SHISAL1: variants seen among roughly 807,000 people sequenced by gnomAD.
The protein encoded by SHISAL1 is shisa like 1.
SHISAL1 carries 9 observed loss-of-function variants against 22.6 expected under a neutral mutation model. The observed-to-expected ratio is 0.40, with a 90% CI of 0.24 to 0.70. The LOEUF is 0.70. Among genes scored for constraint, SHISAL1 ranks in the 30% least tolerant of loss-of-function variants. The probability of loss-of-function intolerance (pLI) is 0.39; values close to 1 mark genes in which losing one functional copy is unlikely to be tolerated. For missense variants in SHISAL1, 246 were observed against 270.6 expected (o/e 0.91, Z 0.64); for synonymous variants, 119 against 115.4 (o/e 1.03, Z -0.20).
intron 4 of SHISAL1, among the ~76,000 whole-genome samples, chr22:44,262,617 G>C (rs2055132653): frequency 6.6e-6 from 1 of 152,240 alleles, no homozygotes; most frequent in Admixed American, 6.5e-5. Context: ...CTAGCTAGCA[G>C]TGGAGCTTGG....
rs1284298272 is a variant in SHISAL1, at chr22:44,245,266, G to A, written c.*4419C>T. 6.6e-6 allele frequency: 1 copy of A among 152,228 alleles called. No individual in the cohort carries two copies. Among genetic ancestry groups the A allele is most frequent in the Non-Finnish European group, 1.5e-5 (1 of 68,058 alleles). The allele number at this position is 152,228 out of a possible 1,614,324, so 9.4% of individuals were successfully genotyped here. A position where few individuals can be genotyped will look rare whatever the true frequency, so the allele number is the denominator to read the frequency against. ...CAGTGATAGGGGGCCCTTCAACATT[G>A]ATAAGACATGTTCCCAATAACTCCA... On this transcript the variant is annotated 3_prime_UTR_variant, in exon 5 of 5. Coordinates refer to ENST00000381176, the MANE Select transcript of SHISAL1 (RefSeq NM_001099294.2).
At chr22:44,268,713 C>T (rs1159435012) in intron 4 of SHISAL1, among the ~76,000 whole-genome samples, 4 of 152,058 alleles carry the variant, frequency 2.6e-5, no homozygotes, top group Admixed American at 2.6e-4. Flanking sequence ...ACCTCAGCGA[C>T]GTTTTGAGGA....
chr22:44,327,240 G>GCGCACACA, the SHISAL1 span, among the ~76,000 whole-genome samples: 2 of 144,922 alleles, frequency 1.4e-5, no homozygotes, highest in Non-Finnish European at 3.0e-5. Context: ...TGGGGGGCGC[G>GCGCACACA]CACACACACA....
rs537018456 is a variant in SHISAL1 at position 44,262,619 on chromosome 22, G to A, written c.*-12934C>T. Among the ~76,000 whole-genome samples, 9 of 152,348 alleles carry A rather than the reference G, an allele frequency of 5.9e-5. No individual in the cohort carries two copies. The South Asian group carries it at 1.9e-3, about 32-fold the overall frequency. ...CAGAACTGCATATCTAGCTAGCAGT[G>A]GAGCTTGGCCTGTGCTGCTGACCGC... On this transcript the variant is annotated intron_variant, in intron 4 of 4. Transcript: ENST00000381176.
At chr22:44,265,431 C>T (rs956833638) in intron 4 of SHISAL1, among the ~76,000 whole-genome samples, 16 of 152,240 alleles carry the variant, frequency 1.1e-4, no homozygotes, top group Admixed American at 3.3e-4. Context: ...CACCTGAACC[C>T]GCTACCAGCC....
intron 3 of SHISAL1, among the ~76,000 whole-genome samples, chr22:44,294,038 G>A (rs2055370169): frequency 6.6e-6 from 1 of 152,224 alleles, no homozygotes; most frequent in Non-Finnish European, 1.5e-5. Flanking sequence ...GGAGAAGTCT[G>A]GTTGTTTTGC....
intron 4 of SHISAL1, among the ~76,000 whole-genome samples, chr22:44,278,932 C>T (rs1029350340): frequency 6.6e-6 from 1 of 152,126 alleles, no homozygotes; most frequent in African/African-American, 2.4e-5. Flanking sequence ...TGCAGTCCCA[C>T]TGTGTACCCT....
At position 44,285,437 on chromosome 22, in the gene SHISAL1, G is replaced by C. The variant is rs62226816; in HGVS notation, c.590C>G (p.Ser197Trp). 133 of 1,613,814 alleles carry C rather than the reference G, an allele frequency of 8.2e-5. No individual in the cohort carries two copies. The highest frequency in any genetic ancestry group is 1.1e-4 in the Non-Finnish European group (127 of 1,179,860). Residue 197 changes from serine to tryptophan, a missense_variant, in exon 4 of 5, where the codon TCG becomes TGG. Ser to Trp is a radical substitution (Grantham distance 177). Around this residue, in one of 2 missense-constraint regions of SHISAL1, gnomAD observed 136 missense variants for 117.5 expected, o/e 1.16. Coordinates refer to ENST00000381176, the MANE Select transcript of SHISAL1 (RefSeq NM_001099294.2). ...AATTGTAGCCACTCACCAGGCAGAC[G>C]AACTCTGGAAGGTCATCAGCGGTGG... Reference protein sequence around the residue: ...HSPPLMTFQSSSA With the variant: ...HSPPLMTFQSWSA
At chr22:44,266,904 A>G (rs2055168084) in intron 4 of SHISAL1, among the ~76,000 whole-genome samples, 1 of 152,092 alleles carries the variant, frequency 6.6e-6, no homozygotes, top group African/African-American at 2.4e-5. Flanking sequence ...TAAATAATGA[A>G]ACATGGAACC....
chr22:44,269,313 A>C (rs576395948), intron 4 of SHISAL1, among the ~76,000 whole-genome samples: 1 of 131,554 alleles, frequency 7.6e-6, no homozygotes, highest in East Asian at 2.0e-4. Context: ...ACCATACTGC[A>C]CAGACACCCA....
the SHISAL1 span, among the ~76,000 whole-genome samples, chr22:44,327,285 C>T: frequency 1.3e-4 from 19 of 151,484 alleles, no homozygotes; most frequent in Admixed American, 3.3e-4. Context: ...CACACACGTG[C>T]GCGTACACCA....
chr22:44,249,315 G>A lies in SHISAL1; in HGVS notation c.*370C>T, dbSNP rs138306212. ...AGGGAGCAGGGGCAAGGGAAGCTTCGGTTTTCAACCACAGGTATAACTCAC... is the reference window on the plus strand; with the variant it reads ...AGGGAGCAGGGGCAAGGGAAGCTTCAGTTTTCAACCACAGGTATAACTCAC... On this transcript the variant is annotated 3_prime_UTR_variant, in exon 5 of 5. Coordinates refer to ENST00000381176, the MANE Select transcript of SHISAL1 (RefSeq NM_001099294.2). 2,191 of 220,696 alleles carry A rather than the reference G, an allele frequency of 9.9e-3. 57 individuals are homozygous for A. Among genetic ancestry groups the A allele is most frequent in the African/African-American group, 0.047 (2,064 of 43,472 alleles). 13.7% of individuals were successfully genotyped at this position (220,696 alleles called of 1,614,324 possible).
chr22:44,290,070 A>G (rs1292941863), intron 3 of SHISAL1, among the ~76,000 whole-genome samples: 7 of 152,236 alleles, frequency 4.6e-5, no homozygotes, highest in Non-Finnish European at 1.5e-5. Context: ...GTCAGCAGGA[A>G]GAGCAGCTGC....
intron 4 of SHISAL1, among the ~76,000 whole-genome samples, chr22:44,268,696 G>C (rs1246412640): frequency 1.3e-5 from 2 of 152,186 alleles, no homozygotes; most frequent in Admixed American, 1.3e-4. Flanking sequence ...CCTCGGGAAG[G>C]AGCGTGACCT....
chr22:44,258,555 T>C (rs2055100158), intron 4 of SHISAL1, among the ~76,000 whole-genome samples: 2 of 152,118 alleles, frequency 1.3e-5, no homozygotes, highest in African/African-American at 4.8e-5. Flanking sequence ...CACTTATAAG[T>C]GAGAGCATGT....
rs11473448 is a variant in SHISAL1, at chr22:44,266,528, A to ATGTGTGTGTGTGTGTGTG, written c.*-16861_*-16844dup. Among the ~76,000 whole-genome samples the ATGTGTGTGTGTGTGTGTG allele has an allele frequency of 3.3e-3, 359 of 108,398 alleles. 4 individuals are homozygous for ATGTGTGTGTGTGTGTGTG. The highest frequency in any genetic ancestry group is 7.7e-3 in the East Asian group (27 of 3,498). The allele number at this position is 108,398 out of a possible 152,430, so 71.1% of individuals were successfully genotyped here. A position where few individuals can be genotyped will look rare whatever the true frequency, so the allele number is the denominator to read the frequency against. ...ATGTGTGTGTTGGGGGCTTTGGGGT[A>ATGTGTGTGTGTGTGTGTG]TGTGTGTGTGTGTGTGTGTGTGTGT... On this transcript the variant is annotated intron_variant, in intron 4 of 4. Coordinates refer to ENST00000381176, the MANE Select transcript of SHISAL1 (RefSeq NM_001099294.2).
the SHISAL1 span, among the ~76,000 whole-genome samples, chr22:44,320,667 C>T: frequency 6.6e-6 from 1 of 152,232 alleles, no homozygotes; most frequent in Non-Finnish European, 1.5e-5. Flanking sequence ...CGCCCTCCCC[C>T]TGTGACCCCC....
intron 4 of SHISAL1, among the ~76,000 whole-genome samples, chr22:44,273,108 A>C (rs1408475929): frequency 1.3e-5 from 2 of 151,248 alleles, no homozygotes; most frequent in Admixed American, 6.6e-5. Context: ...AAAAAAAAAC[A>C]AAAAAAACCA....
At chr22:44,254,554 G>T (rs2055071565) in intron 4 of SHISAL1, among the ~76,000 whole-genome samples, 1 of 152,150 alleles carries the variant, frequency 6.6e-6, no homozygotes, top group Non-Finnish European at 1.5e-5. Context: ...CAGGGATGGG[G>T]TCTTGCTGTG....
Sources: gnomAD v4.1 joint callset for allele counts (sites outside exome capture counted in the v4.1 genomes callset) on GRCh38, gnomAD v4.1.1 for gene constraint, gnomAD v4.1.1 regional missense constraint, MANE v1.5 for transcripts, NCBI Gene and HGNC (gene_info 2026-07-23, HGNC 2026-07-21) for gene names.